The following RAB7A variants were observed in gnomAD, a reference collection of about 807,000 sequenced individuals.
RAB7A encodes RAB7A, member RAS oncogene family, also known as ras-related protein Rab-7a.
Under a neutral mutation model 24.5 loss-of-function variants are expected in RAB7A, and 2 were observed. The ratio of observed to expected loss-of-function variants is 0.08; its 90% CI spans 0.03 to 0.26. The LOEUF (loss-of-function observed/expected upper bound fraction) is 0.26, where lower values mean the gene tolerates loss of function less well. Ranked by LOEUF, RAB7A falls within the 10% of genes least tolerant of loss-of-function variation. The probability of loss-of-function intolerance (pLI) is 1.00; values close to 1 mark genes in which losing one functional copy is unlikely to be tolerated. For synonymous variants in RAB7A, 100 were observed against 95.9 expected, an observed-to-expected ratio of 1.04 and a Z score of -0.25; for missense variants, 118 against 255.7, an observed-to-expected ratio of 0.46 and a Z score of 3.67.
chr3:128,772,871 C>T (rs926363981), intron 1 of RAB7A, among the ~76,000 whole-genome samples: 3 of 152,258 alleles, frequency 2.0e-5, no homozygotes, highest in Non-Finnish European at 4.4e-5. Flanking sequence ...GGATTGCAGA[C>T]GGAGTCTCGT....
chr3:128,744,533 C>T (rs985526180), intron 1 of RAB7A, among the ~76,000 whole-genome samples: 5 of 152,168 alleles, frequency 3.3e-5, no homozygotes, highest in African/African-American at 1.2e-4. Flanking sequence ...GTGGAAAGGC[C>T]ACACTCCTTC....
At position 128,797,974 on chromosome 3, in the gene RAB7A, G is replaced by A; in HGVS notation, c.85G>A (p.Val29Met). ...GAAGACATCACTCATGAACCAGTAT[G>A]TGAATAAGAAATTCAGCAATCAGTA... Reference protein sequence around the residue: ...VGKTSLMNQYVNKKFSNQYKA... With the variant: ...VGKTSLMNQYMNKKFSNQYKA... Residue 29 changes from valine to methionine, a missense_variant, in exon 3 of 6, where the codon GTG (valine) becomes ATG (methionine). By Grantham distance (21) the Val-to-Met change is conservative (BLOSUM62 1). Coordinates refer to ENST00000265062, the MANE Select transcript of RAB7A (RefSeq NM_004637.6). 1 of 1,613,784 alleles carries A rather than the reference G, an allele frequency of 6.2e-7. No homozygotes were observed. The highest frequency in any genetic ancestry group is 8.5e-7 in the Non-Finnish European group (1 of 1,179,704).
At chr3:128,786,358 A>G (rs1179638767) in intron 1 of RAB7A, among the ~76,000 whole-genome samples, 1 of 152,156 alleles carries the variant, frequency 6.6e-6, no homozygotes, top group African/African-American at 2.4e-5. Context: ...CTTGATGCCC[A>G]GTGCAGTAGT....
intron 5 of RAB7A, among the ~76,000 whole-genome samples, chr3:128,808,750 C>A (rs997205682): frequency 5.9e-5 from 9 of 152,080 alleles, no homozygotes; most frequent in Admixed American, 2.6e-4. Flanking sequence ...TGGGAGGATG[C>A]ATAGAACACT....
chr3:128,804,962 G>A (rs961595399), intron 3 of RAB7A, among the ~76,000 whole-genome samples: 3 of 152,214 alleles, frequency 2.0e-5, no homozygotes, highest in East Asian at 1.9e-4. Context: ...GCCCTAGTGC[G>A]TGACGGGGTA....
intron 3 of RAB7A, among the ~76,000 whole-genome samples, chr3:128,804,817 G>C (rs1432973040): frequency 2.0e-5 from 3 of 152,270 alleles, no homozygotes; most frequent in African/African-American, 7.2e-5. Context: ...TCATTGCTGA[G>C]TTGTTTATAA....
intron 1 of RAB7A, among the ~76,000 whole-genome samples, chr3:128,784,666 C>G (rs926797221): frequency 1.3e-5 from 2 of 152,144 alleles, no homozygotes; most frequent in African/African-American, 4.8e-5. Context: ...CTTGCATGTG[C>G]GTTCTTTAAG....
chr3:128,727,233 G>T (rs577576308), intron 1 of RAB7A, among the ~76,000 whole-genome samples: 51 of 152,316 alleles, frequency 3.3e-4, no homozygotes, highest in African/African-American at 1.2e-3. Flanking sequence ...CCACTGTTGT[G>T]CCCACTTAAC....
At chr3:128,767,012 T>C (rs1319573222) in intron 1 of RAB7A, among the ~76,000 whole-genome samples, 1 of 152,178 alleles carries the variant, frequency 6.6e-6, no homozygotes, top group Non-Finnish European at 1.5e-5. Flanking sequence ...ATGAAGTGGA[T>C]TCTTCTTTCT....
chr3:128,744,316 G>C (rs1332144809), intron 1 of RAB7A, among the ~76,000 whole-genome samples: 5 of 152,262 alleles, frequency 3.3e-5, no homozygotes, highest in Admixed American at 2.0e-4. Flanking sequence ...CAATAACTGA[G>C]ATGAAAACTT....
chr3:128,787,587 TCTC>T (rs1933366398), intron 1 of RAB7A, among the ~76,000 whole-genome samples: 1 of 152,380 alleles, frequency 6.6e-6, no homozygotes, highest in East Asian at 1.9e-4. Flanking sequence ...TTCAATTTCA[TCTC>T]CTGCATTTTA....
At chr3:128,796,078 A>G (rs1933569077) in intron 2 of RAB7A, among the ~76,000 whole-genome samples, 1 of 152,106 alleles carries the variant, frequency 6.6e-6, no homozygotes, top group African/African-American at 2.4e-5. Flanking sequence ...TGCACCATAC[A>G]GTATCCTCCT....
intron 2 of RAB7A, among the ~76,000 whole-genome samples, chr3:128,796,670 G>A (rs1308937847): frequency 6.6e-6 from 1 of 151,846 alleles, no homozygotes; most frequent in South Asian, 2.1e-4. Context: ...ACCTTTTTTT[G>A]TATGTGTGTG....
intron 1 of RAB7A, among the ~76,000 whole-genome samples, chr3:128,793,877 C>T (rs1933513473): frequency 6.6e-6 from 1 of 152,188 alleles, no homozygotes; most frequent in South Asian, 2.1e-4. Flanking sequence ...CAGCTTGACC[C>T]TCTGCATAGG....
At chr3:128,781,511 A>C (rs996385299) in intron 1 of RAB7A, among the ~76,000 whole-genome samples, 1 of 151,882 alleles carries the variant, frequency 6.6e-6, no homozygotes. Flanking sequence ...TCTACCAAAA[A>C]ATTTTTCAAA....
intron 1 of RAB7A, among the ~76,000 whole-genome samples, chr3:128,756,946 C>T (rs886366348): frequency 6.6e-6 from 1 of 151,464 alleles, no homozygotes; most frequent in Non-Finnish European, 1.5e-5. Flanking sequence ...TGGGTTCAAG[C>T]GATTCTCCTG....
At chr3:128,777,029 T>C (rs1284108468) in intron 1 of RAB7A, among the ~76,000 whole-genome samples, 1 of 152,152 alleles carries the variant, frequency 6.6e-6, no homozygotes, top group African/African-American at 2.4e-5. Context: ...GAAATGTCTT[T>C]TTAGGTCCTT....
chr3:128,747,015 A>T (rs1328307938), intron 1 of RAB7A, among the ~76,000 whole-genome samples: 1 of 151,690 alleles, frequency 6.6e-6, no homozygotes, highest in Non-Finnish European at 1.5e-5. Flanking sequence ...ATTAACTGAA[A>T]CATAATAGGC....
chr3:128,734,046 C>T (rs2070465483), intron 1 of RAB7A, among the ~76,000 whole-genome samples: 1 of 152,056 alleles, frequency 6.6e-6, no homozygotes, highest in African/African-American at 2.4e-5. Flanking sequence ...TGTAGGGGAA[C>T]CTCAAGGGAC....
Sources: gnomAD v4.1 joint callset for allele counts (sites outside exome capture counted in the v4.1 genomes callset) on GRCh38, gnomAD v4.1.1 for gene constraint, MANE v1.5 for transcripts, NCBI Gene and HGNC (gene_info 2026-07-23, HGNC 2026-07-21) for gene names.